AUTS2: variants seen among roughly 807,000 people sequenced by gnomAD.
The protein encoded by AUTS2 is autism susceptibility gene 2 protein.
AUTS2 carries 17 observed loss-of-function variants against 112.4 expected under a neutral mutation model. That is an observed-to-expected ratio of 0.15 (90% CI 0.10 to 0.23). The LOEUF is 0.23. AUTS2 is among the 10% of genes least tolerant of loss of function. AUTS2 has a pLI of 1.00. For synonymous variants in AUTS2, 751 were observed against 702.7 expected (o/e 1.07, Z -1.09); for missense variants, 1,510 against 1,701.6 (o/e 0.89, Z 1.98).
At chr7:70,421,092 G>A (rs1255837993) in intron 4 of AUTS2, among the ~76,000 whole-genome samples, 2 of 152,106 alleles carry the variant, frequency 1.3e-5, no homozygotes, top group East Asian at 3.9e-4. Flanking sequence ...TAGCTAAATA[G>A]GGGTTTTAGA....
chr7:70,219,641 G>T (rs1205216452), intron 4 of AUTS2, among the ~76,000 whole-genome samples: 1 of 147,558 alleles, frequency 6.8e-6, no homozygotes. Context: ...GCATGATCTT[G>T]GCTCACTGCA....
intron 1 of AUTS2, among the ~76,000 whole-genome samples, chr7:69,732,717 TA>T (rs924663502): frequency 6.6e-6 from 1 of 152,134 alleles, no homozygotes; most frequent in African/African-American, 2.4e-5. Flanking sequence ...AAGCATTTAA[TA>T]AAAAAATCCC....
chr7:70,362,551 A>G (rs765897860), intron 4 of AUTS2, among the ~76,000 whole-genome samples: 7 of 151,972 alleles, frequency 4.6e-5, no homozygotes, highest in Non-Finnish European at 8.8e-5. Flanking sequence ...CAAGCAGGAG[A>G]AATTCATTTT....
chr7:70,589,804 A>G (rs1802855115), intron 5 of AUTS2, among the ~76,000 whole-genome samples: 1 of 152,190 alleles, frequency 6.6e-6, no homozygotes, highest in Non-Finnish European at 1.5e-5. Flanking sequence ...CATCACCCCA[A>G]GCTCCAGGGG....
rs528615878 is a variant in AUTS2, at chr7:70,583,471, C to G, written c.691-115098C>G. 3.3e-5 allele frequency among the ~76,000 whole-genome samples: 5 copies of G among 152,300 alleles called. No individual in the cohort carries two copies. The South Asian group carries it at 1.0e-3, about 32-fold the overall frequency. Reference sequence around the variant, plus strand: ...TGCTCGAGGCAGAGGGAGAGGGGGCCTGTTTTCTAAGTAGCCAGTCGTTAA... The same window carrying G: ...TGCTCGAGGCAGAGGGAGAGGGGGCGTGTTTTCTAAGTAGCCAGTCGTTAA... On this transcript the variant is annotated intron_variant, in intron 5 of 18. Transcript: ENST00000342771.
chr7:70,434,016 C>A (rs1428940695), intron 4 of AUTS2, among the ~76,000 whole-genome samples: 1 of 152,162 alleles, frequency 6.6e-6, no homozygotes, highest in Non-Finnish European at 1.5e-5. Flanking sequence ...TTCCCTTGGT[C>A]CCACTCTGTT....
intron 4 of AUTS2, among the ~76,000 whole-genome samples, chr7:70,416,449 C>A (rs1216771074): frequency 6.6e-6 from 1 of 152,196 alleles, no homozygotes; most frequent in African/African-American, 2.4e-5. Context: ...TTTCGGTGGG[C>A]TCTTTTGAAT....
In AUTS2 at chr7:70,774,116, G is replaced by C; in HGVS notation, c.1902+17G>C. The stretch of plus-strand genomic sequence containing the variant: ...GACCCGAGGGTACGTGCAAAGTCAG[G>C]CTTGGTCTCAGGTAACACCAGGGTG... On this transcript the variant is annotated intron_variant, in intron 12 of 18. Transcript: ENST00000342771. The C allele has an allele frequency of 6.2e-7, 1 of 1,613,808 alleles. No individual in the cohort carries two copies. Among genetic ancestry groups the C allele is most frequent in the Non-Finnish European group, 8.5e-7 (1 of 1,179,702 alleles).
At chr7:70,698,019 G>T (rs1308472519) in intron 5 of AUTS2, among the ~76,000 whole-genome samples, 1 of 152,156 alleles carries the variant, frequency 6.6e-6, no homozygotes, top group Non-Finnish European at 1.5e-5. Flanking sequence ...AGGCCGGCTT[G>T]CATCTTTTTG....
intron 5 of AUTS2, among the ~76,000 whole-genome samples, chr7:70,641,057 CA>C (rs1350650386): frequency 6.6e-6 from 1 of 152,196 alleles, no homozygotes; most frequent in African/African-American, 2.4e-5. Context: ...ACCCAGCTTC[CA>C]GCCACACTAG....
At chr7:70,376,138 A>G (rs772728267) in intron 4 of AUTS2, among the ~76,000 whole-genome samples, 1 of 152,214 alleles carries the variant, frequency 6.6e-6, no homozygotes, top group Non-Finnish European at 1.5e-5. Flanking sequence ...GGATAAATGA[A>G]AAGGACACCT....
At chr7:70,048,038 T>C (rs1375728391) in intron 2 of AUTS2, among the ~76,000 whole-genome samples, 2 of 152,192 alleles carry the variant, frequency 1.3e-5, no homozygotes, top group Non-Finnish European at 2.9e-5. Flanking sequence ...AGTCATGATC[T>C]AAAGGTGATA....
At chr7:70,656,081 T>C (rs970867981) in intron 5 of AUTS2, among the ~76,000 whole-genome samples, 1 of 151,954 alleles carries the variant, frequency 6.6e-6, no homozygotes, top group African/African-American at 2.4e-5. Context: ...TATGGAAATA[T>C]TTATATATAA....
intron 2 of AUTS2, among the ~76,000 whole-genome samples, chr7:69,936,270 G>A (rs1277181787): frequency 6.6e-6 from 1 of 152,136 alleles, no homozygotes; most frequent in Non-Finnish European, 1.5e-5. Flanking sequence ...GGTAAGACCT[G>A]GCCTGTATTG....
At chr7:70,628,455 G>C (rs1805078293) in intron 5 of AUTS2, among the ~76,000 whole-genome samples, 1 of 151,642 alleles carries the variant, frequency 6.6e-6, no homozygotes, top group Admixed American at 6.6e-5. Flanking sequence ...TTTCCTGAAG[G>C]TAATAGGAGT....
At chr7:69,634,206 G>A (rs557890518) in intron 1 of AUTS2, among the ~76,000 whole-genome samples, 74 of 150,980 alleles carry the variant, frequency 4.9e-4, no homozygotes, top group Admixed American at 5.9e-4. Context: ...TGCAAGCTCC[G>A]CCTCCCGGGT....
At chr7:69,751,268 G>A (rs897017396) in intron 1 of AUTS2, among the ~76,000 whole-genome samples, 5 of 152,186 alleles carry the variant, frequency 3.3e-5, no homozygotes, top group African/African-American at 1.2e-4. Flanking sequence ...TGAGAGGTTT[G>A]CTTAGCCACA....
At position 69,831,882 on chromosome 7, in the gene AUTS2, C is replaced by T. The variant is rs115610068; in HGVS notation, c.310-67404C>T. On this transcript the variant is annotated intron_variant, in intron 1 of 18. Coordinates refer to ENST00000342771, the MANE Select transcript of AUTS2 (RefSeq NM_015570.4). The stretch of plus-strand genomic sequence containing the variant: ...CACTTTACTTAATAATTGAAAGTTA[C>T]TTGGCTTTGGCCCTTGGCATGATTT... 7.5e-3 allele frequency among the ~76,000 whole-genome samples: 1,143 copies of T among 152,274 alleles called. 17 individuals are homozygous for T. The highest frequency in any genetic ancestry group is 0.026 in the African/African-American group (1,077 of 41,560).
intron 1 of AUTS2, among the ~76,000 whole-genome samples, chr7:69,779,659 A>T (rs951271070): frequency 2.0e-5 from 3 of 151,028 alleles, no homozygotes; most frequent in African/African-American, 7.3e-5. Context: ...GCTACTCAGG[A>T]GGCTGAGGCA....
Sources: allele counts gnomAD v4.1 joint callset (sites outside exome capture counted in the v4.1 genomes callset), GRCh38; gene constraint gnomAD v4.1.1; transcripts MANE v1.5; gene names NCBI Gene and HGNC (gene_info 2026-07-23, HGNC 2026-07-21).